The following TRPM1 variants were observed in gnomAD, a reference collection of about 807,000 sequenced individuals.
The protein encoded by TRPM1 is TRPM1-203 APA Isoform, Intron 10.
TRPM1 carries 113 observed loss-of-function variants against 149.4 expected under a neutral mutation model. The observed-to-expected ratio is 0.76, with a 90% confidence interval of 0.65 to 0.88. TRPM1 has a LOEUF of 0.88. Among genes scored for constraint, TRPM1 ranks in the 40% least tolerant of loss-of-function variants. The probability of loss-of-function intolerance (pLI) is 0.00; values close to 1 mark genes in which losing one functional copy is unlikely to be tolerated. For missense variants in TRPM1, 1,976 were observed against 2,038.7 expected, an observed-to-expected ratio of 0.97 and a Z score of 0.59; for synonymous variants, 741 against 759.5, an observed-to-expected ratio of 0.98 and a Z score of 0.40.
In TRPM1 at chr15:31,072,000, T is replaced by C. The variant is rs1340074639; in HGVS notation, c.84-1774A>G. On this transcript the variant is annotated intron_variant, in intron 3 of 27. Coordinates refer to ENST00000256552, the MANE Select transcript of TRPM1 (RefSeq NM_001252024.2). ...AAAAACATATATATATATATATATA[T>C]ATATATATATATATATATAGAGAGA... Among the ~76,000 whole-genome samples the C allele has an allele frequency of 8.6e-3, 552 of 64,064 alleles. 20 individuals are homozygous for C. Among genetic ancestry groups the C allele is most frequent in the African/African-American group, 0.025 (439 of 17,508 alleles). The allele number at this position is 64,064 out of a possible 152,430, so 42.0% of individuals were successfully genotyped here.
At chr15:31,058,507 A>G (rs1436741778) in intron 11 of TRPM1, among the ~76,000 whole-genome samples, 1 of 152,158 alleles carries the variant, frequency 6.6e-6, no homozygotes, top group Non-Finnish European at 1.5e-5. Flanking sequence ...TGGTTTCTCC[A>G]TTTTTTTAGA....
intron 1 of TRPM1, among the ~76,000 whole-genome samples, chr15:31,100,018 C>T (rs948521732): frequency 2.0e-5 from 3 of 152,094 alleles, no homozygotes; most frequent in Admixed American, 1.3e-4. Context: ...GTTCCTATCC[C>T]TTGTCAACGC....
At position 31,114,390 on chromosome 15, in the gene TRPM1, G is replaced by A. The variant is rs376899619; in HGVS notation, c.55-37406C>T. Reference sequence around the variant, plus strand: ...CTGCCTAGTATTCCATGGTGTATATGTACCACATGTTTTATCCAGTCTATT... The same window carrying A: ...CTGCCTAGTATTCCATGGTGTATATATACCACATGTTTTATCCAGTCTATT... On this transcript the variant is annotated intron_variant, in intron 1 of 26. Transcript: ENST00000542188. Among the ~76,000 whole-genome samples, 8 of 152,222 alleles carry A rather than the reference G, an allele frequency of 5.3e-5. No homozygotes were observed. In the East Asian group the frequency reaches 1.2e-3, roughly 22 times the overall value.
chr15:31,066,366 A>G lies in TRPM1; in HGVS notation c.619-119T>C, dbSNP rs908047076. On this transcript the variant is annotated intron_variant, in intron 6 of 27. Coordinates refer to ENST00000256552, the MANE Select transcript of TRPM1 (RefSeq NM_001252024.2). ...CACTAAAACTTATTCTCACATCTCT[A>G]CCCTGCCTTTTGAAGGTTTTATTTT... 1.5e-5 allele frequency: 17 copies of G among 1,116,832 alleles called. No individual in the cohort carries two copies. In the Admixed American group the frequency reaches 1.6e-4, roughly 10 times the overall value. 69.2% of individuals were successfully genotyped at this position (1,116,832 alleles called of 1,614,324 possible).
rs76893116 is a variant in TRPM1 at position 31,069,224 on chromosome 15, G to A, written c.279+807C>T. ...GTGGCCCAAGAAGTTGGATGAGGAT[G>A]TTGTTGAGTAAATGGGTCAGGCGAT... is the stretch of plus-strand genomic sequence containing the variant. On this transcript the variant is annotated intron_variant, in intron 4 of 27. Coordinates refer to ENST00000256552, the MANE Select transcript of TRPM1 (RefSeq NM_001252024.2). 1.2e-4 allele frequency among the ~76,000 whole-genome samples: 18 copies of A among 152,328 alleles called. No homozygotes were observed. The East Asian group carries it at 3.5e-3, about 29-fold the overall frequency.
intron 1 of TRPM1, among the ~76,000 whole-genome samples, chr15:31,118,150 C>A (rs1458256004): frequency 6.6e-6 from 1 of 151,964 alleles, no homozygotes; most frequent in Non-Finnish European, 1.5e-5. Context: ...TCTCACTACT[C>A]GGGCAGCTGA....
chr15:31,111,173 C>T (rs189349818), intron 1 of TRPM1, among the ~76,000 whole-genome samples: 2 of 152,266 alleles, frequency 1.3e-5, no homozygotes, highest in Admixed American at 1.3e-4. Flanking sequence ...AAGGTTGCAG[C>T]TGGAGCTTCC....
chr15:31,133,574 C>T (rs1451441524), intron 1 of TRPM1, among the ~76,000 whole-genome samples: 1 of 151,964 alleles, frequency 6.6e-6, no homozygotes, highest in Non-Finnish European at 1.5e-5. Context: ...CCCAGCTAGT[C>T]AGAAGGCTGA....
chr15:31,101,740 G>C, upstream of TRPM1: 4 of 985,738 alleles, frequency 4.1e-6, no homozygotes, highest in Non-Finnish European at 4.8e-6. Flanking sequence ...GGGTGAGGAG[G>C]GCCCACCCTT....
intron 23 of TRPM1, 58 bp from the exon 24 acceptor site, chr15:31,029,449 G>T: frequency 6.4e-7 from 1 of 1,559,526 alleles, no homozygotes. Context: ...AGGAGGGGAG[G>T]AAAGAAAATA....
chr15:31,050,721 A>C, intron 11 of TRPM1, 139 bp from the exon 12 acceptor site: 1 of 875,284 alleles, frequency 1.1e-6, no homozygotes. Flanking sequence ...GCACACCCAC[A>C]CAGTGCACAC....
intron 17 of TRPM1, 147 bp downstream of exon 17, chr15:31,041,804 T>C: frequency 1.1e-6 from 1 of 878,626 alleles, no homozygotes; most frequent in Non-Finnish European, 1.8e-6. Context: ...GAAAGAAAAA[T>C]GCTGACATGA....
At chr15:31,074,085 C>T (rs2034629350) in intron 3 of TRPM1, among the ~76,000 whole-genome samples, 1 of 151,208 alleles carries the variant, frequency 6.6e-6, no homozygotes, top group East Asian at 1.9e-4. Context: ...TTATATGTTG[C>T]TGGATTTGGT....
chr15:31,155,698 A>G (rs1397912654), intron 1 of TRPM1, among the ~76,000 whole-genome samples: 1 of 152,104 alleles, frequency 6.6e-6, no homozygotes, highest in Non-Finnish European at 1.5e-5. Context: ...GGAAGAAGGG[A>G]GAAAGGGAGG....
intron 27 of TRPM1, among the ~76,000 whole-genome samples, chr15:31,007,257 G>A (rs1022012538): frequency 5.3e-5 from 8 of 152,020 alleles, no homozygotes; most frequent in African/African-American, 7.3e-5. Context: ...TGATCCATTC[G>A]TCGTTGAATT....
intron 11 of TRPM1, among the ~76,000 whole-genome samples, chr15:31,054,804 TCTA>T (rs2034041337): frequency 6.6e-6 from 1 of 152,178 alleles, no homozygotes; most frequent in Non-Finnish European, 1.5e-5. Context: ...ACATTTAAAA[TCTA>T]CTCTTTTAGC....
intron 3 of TRPM1, among the ~76,000 whole-genome samples, chr15:31,071,978 AACATATATAT>A (rs1567034344): frequency 4.8e-5 from 3 of 62,388 alleles, no homozygotes; most frequent in African/African-American, 2.0e-4. Context: ...AAAAAAAAAA[AACATATATAT>A]ATATATATAT....
At chr15:31,134,168 C>A (rs937791157) in intron 1 of TRPM1, among the ~76,000 whole-genome samples, 11 of 152,174 alleles carry the variant, frequency 7.2e-5, no homozygotes, top group African/African-American at 2.7e-4. Context: ...CAGCAGGTCA[C>A]CCCTTTCTGG....
intron 1 of TRPM1, among the ~76,000 whole-genome samples, chr15:31,108,784 G>A (rs1247236040): frequency 2.0e-5 from 3 of 152,326 alleles, no homozygotes; most frequent in Non-Finnish European, 4.4e-5. Context: ...ATGAGCCACC[G>A]TGCCCAGCCT....
Sources: gnomAD v4.1 joint callset for allele counts (sites outside exome capture counted in the v4.1 genomes callset) on GRCh38, gnomAD v4.1.1 for gene constraint, MANE v1.5 for transcripts, NCBI Gene and HGNC (gene_info 2026-07-23, HGNC 2026-07-21) for gene names.